The following PPP3CC variants were observed in gnomAD, a reference collection of about 807,000 sequenced individuals.
The protein encoded by PPP3CC is protein phosphatase 3 catalytic subunit gamma.
PPP3CC carries 35 observed loss-of-function variants against 60.3 expected under a neutral mutation model. The ratio of observed to expected loss-of-function variants is 0.58; its 90% CI spans 0.44 to 0.77. The LOEUF (loss-of-function observed/expected upper bound fraction) is 0.77, where lower values mean the gene tolerates loss of function less well. Among genes scored for constraint, PPP3CC ranks in the 30% least tolerant of loss-of-function variants. The pLI, the probability that PPP3CC is intolerant of heterozygous loss-of-function variation, is 0.00. For missense variants in PPP3CC, 570 were observed against 628.9 expected (o/e 0.91, Z 1.00); for synonymous variants, 206 against 224.3 (o/e 0.92, Z 0.73).
chr8:22,452,607 CTT>C lies in PPP3CC; in HGVS notation c.49+11150_49+11151del, dbSNP rs1426362166. On this transcript the variant is annotated intron_variant, in intron 1 of 13. Transcript: ENST00000240139. ...CAAACTCCTGGGCTCAAGTGATTCT[CTT>C]GCCTCATTCTCATGCCTGGCACTAC... Among the ~76,000 whole-genome samples the C allele has an allele frequency of 3.9e-5, 6 of 152,270 alleles. No individual in the cohort carries two copies. In the South Asian group the frequency reaches 1.0e-3, roughly 26 times the overall value.
In PPP3CC at chr8:22,474,731, T is replaced by C. The variant is rs1432550421; in HGVS notation, c.50-223T>C. On this transcript the variant is annotated intron_variant, in intron 1 of 13. Transcript: ENST00000240139. ...AAAAAACAAACAACAAAAACCATTATAATTTATGCACACACAAATATTTAA... is the reference window on the plus strand; with the variant it reads ...AAAAAACAAACAACAAAAACCATTACAATTTATGCACACACAAATATTTAA... 2.0e-5 allele frequency among the ~76,000 whole-genome samples: 3 copies of C among 152,024 alleles called. No homozygotes were observed. In the East Asian group the frequency reaches 5.8e-4, roughly 29 times the overall value.
At chr8:22,498,440 T>C (rs1454818543) in intron 4 of PPP3CC, among the ~76,000 whole-genome samples, 1 of 151,870 alleles carries the variant, frequency 6.6e-6, no homozygotes, top group Non-Finnish European at 1.5e-5. Context: ...CAAGATTCCA[T>C]CTCAAAAAAT....
At chr8:22,518,073 T>G (rs1586856328) in intron 6 of PPP3CC, among the ~76,000 whole-genome samples, 1 of 152,034 alleles carries the variant, frequency 6.6e-6, no homozygotes, top group East Asian at 1.9e-4. Context: ...TGAGGTTTTT[T>G]TTTTTTTAGA....
At chr8:22,452,319 C>T (rs768694336) in intron 1 of PPP3CC, among the ~76,000 whole-genome samples, 14 of 152,284 alleles carry the variant, frequency 9.2e-5, no homozygotes, top group East Asian at 7.7e-4. Context: ...CAGGCATGAG[C>T]CACTGTGCCT....
intron 5 of PPP3CC, among the ~76,000 whole-genome samples, chr8:22,512,904 C>G (rs1414830313): frequency 6.6e-6 from 1 of 152,012 alleles, no homozygotes; most frequent in Non-Finnish European, 1.5e-5. Flanking sequence ...TGGAGAAACC[C>G]CATCTCTACT....
chr8:22,511,150 T>G lies in PPP3CC; in HGVS notation c.549T>G (p.Leu183=). The change falls in exon 5 of 14, where the codon CTT becomes CTG. Residue 183 remains leucine (L), a synonymous_variant. Transcript: ENST00000240139. ...ACMETFDCLP[L]AALLNQQFLC... ...TGGAGACATTTGACTGTCTTCCTCTTGCTGCCCTCTTAAACCAGCAGTTTC... is the reference window on the plus strand; with the variant it reads ...TGGAGACATTTGACTGTCTTCCTCTGGCTGCCCTCTTAAACCAGCAGTTTC... 1 of 1,613,900 alleles carries G rather than the reference T, an allele frequency of 6.2e-7. No homozygotes were observed. Among genetic ancestry groups the G allele is most frequent in the Non-Finnish European group, 8.5e-7 (1 of 1,179,730 alleles).
chr8:22,515,584 C>A (rs906117671), intron 6 of PPP3CC, among the ~76,000 whole-genome samples: 1 of 152,170 alleles, frequency 6.6e-6, no homozygotes, highest in Non-Finnish European at 1.5e-5. Flanking sequence ...ACATTCCCAC[C>A]AATAGGATAT....
intron 1 of PPP3CC, among the ~76,000 whole-genome samples, chr8:22,448,448 C>T (rs1443731525): frequency 6.8e-6 from 1 of 147,096 alleles, no homozygotes; most frequent in Admixed American, 6.8e-5. Flanking sequence ...AGCGTGATCT[C>T]GGCTCACCGC....
chr8:22,530,956 G>A (rs915613556), intron 10 of PPP3CC, among the ~76,000 whole-genome samples: 20 of 151,046 alleles, frequency 1.3e-4, no homozygotes, highest in Admixed American at 2.6e-4. Flanking sequence ...TCTGTCCTCC[G>A]TTTTTGTTCC....
intron 3 of PPP3CC, among the ~76,000 whole-genome samples, chr8:22,482,410 G>A (rs1159038669): frequency 6.6e-6 from 1 of 152,070 alleles, no homozygotes; most frequent in East Asian, 1.9e-4. Flanking sequence ...ATTTGTTTAA[G>A]TTCATTATAG....
chr8:22,473,957 C>T (rs1284076900), intron 1 of PPP3CC, among the ~76,000 whole-genome samples: 7 of 152,002 alleles, frequency 4.6e-5, no homozygotes, highest in African/African-American at 1.2e-4. Flanking sequence ...TTCAGTGGCG[C>T]GATCTCAGCT....
At chr8:22,457,375 T>C in intron 1 of PPP3CC, among the ~76,000 whole-genome samples, 1 of 151,764 alleles carries the variant, frequency 6.6e-6, no homozygotes, top group Non-Finnish European at 1.5e-5. Flanking sequence ...GGATCTCGGC[T>C]CACTGCAACC....
intron 3 of PPP3CC, among the ~76,000 whole-genome samples, chr8:22,486,084 A>G (rs1201745290): frequency 6.6e-6 from 1 of 152,140 alleles, no homozygotes; most frequent in African/African-American, 2.4e-5. Context: ...TTAGTTGGGT[A>G]TGACAGGAAT....
rs564275949 is a variant in PPP3CC, at chr8:22,527,298, G to A, written c.944-94G>A. On this transcript the variant is annotated intron_variant, in intron 8 of 13. Transcript: ENST00000240139. ...CTGACTTTACAAATGGAAAGTTCTC[G>A]AATTCTGTGTAGCAGGTACACAGCT... The A allele has an allele frequency of 9.4e-4, 1,297 of 1,377,312 alleles. 26 individuals carry two copies. In the South Asian group the frequency reaches 0.018, roughly 19 times the overall value. The allele number at this position is 1,377,312 out of a possible 1,614,324, so 85.3% of individuals were successfully genotyped here. A position where few individuals can be genotyped will look rare whatever the true frequency, so the allele number is the denominator to read the frequency against.
chr8:22,518,488 T>C (rs1256190364), intron 6 of PPP3CC, among the ~76,000 whole-genome samples: 2 of 152,220 alleles, frequency 1.3e-5, no homozygotes, highest in African/African-American at 4.8e-5. Flanking sequence ...TTGTTGATAC[T>C]TCTTTGTGAT....
chr8:22,457,011 C>CCCTT (rs1837216556), intron 1 of PPP3CC, among the ~76,000 whole-genome samples: 1 of 60,340 alleles, frequency 1.7e-5, no homozygotes, highest in Non-Finnish European at 2.8e-5. Flanking sequence ...CTCCCTCCCT[C>CCCTT]CCTCCCTTCC....
chr8:22,493,904 T>A (rs1035401807), intron 3 of PPP3CC, among the ~76,000 whole-genome samples: 3 of 152,224 alleles, frequency 2.0e-5, no homozygotes, highest in Admixed American at 6.5e-5. Flanking sequence ...TTGTATGTGC[T>A]ATACTTTTAT....
In PPP3CC at chr8:22,540,756, C is replaced by G. The variant is rs1388508532; in HGVS notation, c.1493C>G (p.Ser498Ter). 6.2e-7 allele frequency: 1 copy of G among 1,613,966 alleles called. No homozygotes were observed. Among genetic ancestry groups the G allele is most frequent in the Non-Finnish European group, 8.5e-7 (1 of 1,179,954 alleles). The change falls in exon 14 of 14, where the codon TCA becomes TGA. Residue 498 changes from serine to a stop codon, truncating the protein, a stop_gained. Coordinates refer to ENST00000240139, the MANE Select transcript of PPP3CC (RefSeq NM_005605.5). LOFTEE classifies it low-confidence loss of function (END_TRUNC). ...GPMKSVTSAH[S>*]HAAHRSDQGK... ...ATGAAATCTGTAACCTCAGCACACT[C>G]ACATGCTGCGCACAGGAGCGACCAA...
chr8:22,484,537 T>C (rs1306028561), intron 3 of PPP3CC, among the ~76,000 whole-genome samples: 2 of 152,214 alleles, frequency 1.3e-5, no homozygotes, highest in African/African-American at 2.4e-5. Context: ...GGCAATATTA[T>C]AAGGGTTGTG....
Sources: gnomAD v4.1 joint callset for allele counts (sites outside exome capture counted in the v4.1 genomes callset) on GRCh38, gnomAD v4.1.1 for gene constraint, MANE v1.5 for transcripts, NCBI Gene and HGNC (gene_info 2026-07-23, HGNC 2026-07-21) for gene names.